The following MRM3 variants were observed in gnomAD, a reference collection of about 807,000 sequenced individuals.
MRM3 encodes the protein mitochondrial rRNA methyltransferase 3.
In MRM3, 26 loss-of-function variants were observed where a neutral mutation model predicts 29.4. The observed-to-expected ratio is 0.89, with a 90% CI of 0.65 to 1.23. MRM3 has a LOEUF of 1.23. MRM3 is among the 50% of genes most tolerant of loss of function. MRM3 has a pLI of 0.00. For missense variants in MRM3, 578 were observed against 540.2 expected (o/e 1.07, Z -0.69); for synonymous variants, 225 against 219.0 (o/e 1.03, Z -0.24).
Position 791,776 on chromosome 17 carries a change from G to T in MRM3, c.970G>T (p.Asp324Tyr). The T allele has an allele frequency of 3.1e-6, 5 of 1,614,216 alleles. No individual in the cohort carries two copies. Among genetic ancestry groups the T allele is most frequent in the East Asian group, 2.2e-5 (1 of 44,880 alleles). The stretch of plus-strand genomic sequence containing the variant: ...GTTTCACAAGTATGAGGAAGAGGAA[G>T]ATGTAGAAACCGGAGCCAGTCAAGA... The part of the protein sequence containing the change: ...MKFHKYEEEE[D>Y]VETGASQDWL... Residue 324 changes from aspartate (D) to tyrosine (Y), a missense_variant, in exon 4 of 4, where the codon GAT becomes TAT. Asp to Tyr is a radical substitution (Grantham distance 160). Coordinates refer to ENST00000304478, the MANE Select transcript of MRM3 (RefSeq NM_018146.4).
chr17:788,326 G>C, intron 3 of MRM3, 194 bp downstream of exon 3: 1 of 545,386 alleles, frequency 1.8e-6, no homozygotes, highest in Non-Finnish European at 3.2e-6. Flanking sequence ...CAGCAACTTG[G>C]GAGGCTGAGG....
intron 3 of MRM3, chr17:790,478 C>A: frequency 5.6e-6 from 1 of 178,636 alleles, no homozygotes; most frequent in Non-Finnish European, 1.2e-5. Flanking sequence ...CTGCCCACCT[C>A]CCACCTCCTG....
At chr17:790,807 T>G (rs1342619250) in intron 3 of MRM3, among the ~76,000 whole-genome samples, 7 of 37,972 alleles carry the variant, frequency 1.8e-4, no homozygotes, top group Non-Finnish European at 2.6e-4. Context: ...CACCGCTGAT[T>G]GGCCGGCTCA....
At chr17:784,864 T>C (rs1322066212) in intron 2 of MRM3, among the ~76,000 whole-genome samples, 3 of 152,156 alleles carry the variant, frequency 2.0e-5, no homozygotes, top group African/African-American at 7.2e-5. Flanking sequence ...GACTCCGAAG[T>C]GGAGGCTCTC....
At chr17:782,985 G>T in intron 1 of MRM3, 98 bp from the exon 2 acceptor site, 1 of 1,491,260 alleles carries the variant, frequency 6.7e-7, no homozygotes, top group African/African-American at 1.4e-5. Flanking sequence ...ACCGCGCCCG[G>T]CCCTCTCCGT....
At chr17:788,304 T>C (rs1910633946) in intron 3 of MRM3, 172 bp downstream of exon 3, 1 of 606,886 alleles carries the variant, frequency 1.6e-6, no homozygotes, top group Non-Finnish European at 2.8e-6. Context: ...GGGGTGTGCC[T>C]GTACTCAGTC....
intron 3 of MRM3, among the ~76,000 whole-genome samples, chr17:789,344 C>G (rs1040270736): frequency 6.6e-6 from 1 of 152,208 alleles, no homozygotes; most frequent in Admixed American, 6.5e-5. Context: ...ATCCTAATGT[C>G]ATTGTGATCC....
In MRM3 at chr17:792,009, AGGGAAAAGACAGCTGCG is replaced by A; in HGVS notation, c.1207_1223del (p.Lys403GlufsTer18). 6.2e-7 allele frequency: 1 copy of A among 1,613,860 alleles called. No individual in the cohort carries two copies. Among genetic ancestry groups the A allele is most frequent in the Non-Finnish European group, 8.5e-7 (1 of 1,180,000 alleles). On this transcript the variant is annotated frameshift_variant, in exon 4 of 4. Coordinates refer to ENST00000304478, the MANE Select transcript of MRM3 (RefSeq NM_018146.4). LOFTEE classifies it high-confidence loss of function. ...TGGCGGCAAGCATCCTGCTTTTCGA[AGGGAAAAGACAGCTGCG>A]GGGGAGGGCGGAGGACTTGAGCAGG...
chr17:784,894 A>G (rs11654474), intron 2 of MRM3, among the ~76,000 whole-genome samples: 2,186 of 152,304 alleles, frequency 0.014, 33 homozygotes, highest in East Asian at 0.059. Flanking sequence ...ACAGACGCCT[A>G]ATACCCTTCC....
rs547512820 is a variant in MRM3 at position 791,934 on chromosome 17, G to A, written c.1128G>A (p.Lys376=). 4.3e-6 allele frequency: 7 copies of A among 1,614,092 alleles called. No individual in the cohort carries two copies. The Admixed American group carries it at 5.0e-5, about 12-fold the overall frequency. The stretch of plus-strand genomic sequence containing the variant: ...AGCTGGCCGAGAGCACTGGTGGCAA[G>A]AGGCTGCTGATCCCCGTTGTGCCTG... The part of the protein sequence containing the change: ...SLQLAESTGG[K]RLLIPVVPGV... Residue 376 remains lysine (K), a synonymous_variant, in exon 4 of 4, where the codon AAG becomes AAA. Transcript: ENST00000304478.
At chr17:789,552 A>G (rs1353003989) in intron 3 of MRM3, among the ~76,000 whole-genome samples, 1 of 152,220 alleles carries the variant, frequency 6.6e-6, no homozygotes, top group African/African-American at 2.4e-5. Flanking sequence ...ACCATTCATC[A>G]GAAACACCCC....
Position 782,594 on chromosome 17 carries a change from G to GA in MRM3, c.219dup (p.Gln74ThrfsTer23), listed in dbSNP as rs781513347. 2 of 1,613,972 alleles carry GA rather than the reference G, an allele frequency of 1.2e-6. No homozygotes were observed. The highest frequency in any genetic ancestry group is 8.5e-7 in the Non-Finnish European group (1 of 1,180,018). ...AGGCCAGTGCCCAGGAGCAACGAGAGAAACAACCGCTCGAGGAGTCCGCAT... is the reference window on the plus strand; with the variant it reads ...AGGCCAGTGCCCAGGAGCAACGAGAGAAAACAACCGCTCGAGGAGTCCGCAT... On this transcript the variant is annotated frameshift_variant, in exon 1 of 4. Coordinates refer to ENST00000304478, the MANE Select transcript of MRM3 (RefSeq NM_018146.4). LOFTEE classifies it high-confidence loss of function.
Position 783,306 on chromosome 17 carries a change from G to A in MRM3, c.538G>A (p.Val180Ile), listed in dbSNP as rs573221759. 6.2e-7 allele frequency: 1 copy of A among 1,612,798 alleles called. No individual in the cohort carries two copies. The highest frequency in any genetic ancestry group is 8.5e-7 in the Non-Finnish European group (1 of 1,179,406). Residue 180 changes from valine to isoleucine, a missense_variant, in exon 2 of 4, where the codon GTA (valine) becomes ATA (isoleucine). Coordinates refer to ENST00000304478, the MANE Select transcript of MRM3 (RefSeq NM_018146.4). The part of the protein sequence containing the change: ...FEDIKDWSDL[V>I]TPQGIMGIFA... Reference sequence around the variant, plus strand: ...GGATATCAAGGATTGGTCCGACCTCGTAACGCCACAAGGAATAATGGGTTA... The same window carrying A: ...GGATATCAAGGATTGGTCCGACCTCATAACGCCACAAGGAATAATGGGTTA...
chr17:786,710 A>G (rs1209479125), intron 2 of MRM3, among the ~76,000 whole-genome samples: 1 of 152,146 alleles, frequency 6.6e-6, no homozygotes, highest in East Asian at 1.9e-4. Flanking sequence ...CGCCCAGCCG[A>G]AAACAGGTAT....
Position 787,253 on chromosome 17 carries a change from CA to C in MRM3, c.560-703del, listed in dbSNP as rs199568702. 2.0e-5 allele frequency among the ~76,000 whole-genome samples: 3 copies of C among 148,230 alleles called. No homozygotes were observed. The highest frequency in any genetic ancestry group is 7.5e-5 in the African/African-American group (3 of 40,242). ...AGAGTGAGAGAGTGGGACTCTGTCTCAAAAAAAAATAGCCTACAGCAGTTAA... is the reference window on the plus strand; with the variant it reads ...AGAGTGAGAGAGTGGGACTCTGTCTCAAAAAAAATAGCCTACAGCAGTTAA... On this transcript the variant is annotated intron_variant, in intron 2 of 3. Transcript: ENST00000304478. This position sits in a 1 kb window ranked among gnomAD's most constrained non-coding sequence, Gnocchi z 4.1.
At position 792,049 on chromosome 17, in the gene MRM3, A is replaced by G; in HGVS notation, c.1243A>G (p.Arg415Gly). 6.2e-7 allele frequency: 1 copy of G among 1,605,624 alleles called. No homozygotes were observed. Among genetic ancestry groups the G allele is most frequent in the Non-Finnish European group, 8.5e-7 (1 of 1,175,158 alleles). The stretch of plus-strand genomic sequence containing the variant: ...GCGGGGGAGGGCGGAGGACTTGAGC[A>G]GGGACAGGAGTTACCACTGAGGACG... ...QLRGRAEDLS[R>G]DRSYH Residue 415 changes from arginine to glycine, a missense_variant, in exon 4 of 4, where the codon AGG becomes GGG. Arg to Gly is a moderately radical substitution (Grantham distance 125). Transcript: ENST00000304478.
Position 791,551 on chromosome 17 carries a change from G to A in MRM3, c.745G>A (p.Glu249Lys). Residue 249 changes from glutamate to lysine, a missense_variant, in exon 4 of 4, where the codon GAG (glutamate) becomes AAG (lysine). Physicochemically the swap from Glu to Lys is moderately conservative, Grantham distance 56. Coordinates refer to ENST00000304478, the MANE Select transcript of MRM3 (RefSeq NM_018146.4). ...LLTKGCVDAW[E>K]PKVLRAGMGA... ...TTTTCCAGGCTGTGTGGATGCCTGGGAGCCCAAAGTGCTCCGGGCGGGTAT... is the reference window on the plus strand; with the variant it reads ...TTTTCCAGGCTGTGTGGATGCCTGGAAGCCCAAAGTGCTCCGGGCGGGTAT... 1 of 1,613,386 alleles carries A rather than the reference G, an allele frequency of 6.2e-7. No individual in the cohort carries two copies. The highest frequency in any genetic ancestry group is 8.5e-7 in the Non-Finnish European group (1 of 1,179,386).
rs761278369 is a variant in MRM3 at position 791,626 on chromosome 17, G to A, written c.820G>A (p.Val274Met). The A allele has an allele frequency of 1.4e-5, 23 of 1,614,086 alleles. No homozygotes were observed. The highest frequency in any genetic ancestry group is 4.2e-6 in the Non-Finnish European group (5 of 1,180,046). ...PIINNLEWET[V>M]PNYLPPDTRV... ...TATCAATAATCTGGAATGGGAAACCGTGCCCAATTACCTGCCCCCTGACAC... is the reference window on the plus strand; with the variant it reads ...TATCAATAATCTGGAATGGGAAACCATGCCCAATTACCTGCCCCCTGACAC... The change falls in exon 4 of 4, where the codon GTG (valine) becomes ATG (methionine). Residue 274 changes from valine (V) to methionine (M), a missense_variant. Transcript: ENST00000304478.
Position 791,835 on chromosome 17 carries a change from C to G in MRM3, c.1029C>G (p.Asp343Glu). The G allele has an allele frequency of 6.2e-7, 1 of 1,614,160 alleles. No homozygotes were observed. The highest frequency in any genetic ancestry group is 1.1e-5 in the South Asian group (1 of 91,088). ...WLPHVEVQSY[D>E]SDWTEAPAAV... is the part of the protein sequence containing the mutation. ...CTCATGTTGAGGTTCAGAGTTACGACTCGGACTGGACAGAGGCGCCGGCAG... is the reference window on the plus strand; with the variant it reads ...CTCATGTTGAGGTTCAGAGTTACGAGTCGGACTGGACAGAGGCGCCGGCAG... Residue 343 changes from aspartate (D) to glutamate (E), a missense_variant, in exon 4 of 4, where the codon GAC becomes GAG. Asp to Glu is a conservative substitution (Grantham distance 45). Coordinates refer to ENST00000304478, the MANE Select transcript of MRM3 (RefSeq NM_018146.4).
Sources: allele counts gnomAD v4.1 joint callset (sites outside exome capture counted in the v4.1 genomes callset), GRCh38; gene constraint gnomAD v4.1.1; non-coding constraint Gnocchi (gnomAD v3.1); transcripts MANE v1.5; gene names NCBI Gene and HGNC (gene_info 2026-07-23, HGNC 2026-07-21).